Variants in FOCAD observed in about 807,000 individuals in gnomAD.
FOCAD encodes KIAA1797.
Under a neutral mutation model 225.6 loss-of-function variants are expected in FOCAD, and 198 were observed. That is an observed-to-expected ratio of 0.88 (90% CI 0.78 to 0.99). FOCAD has a LOEUF of 0.99. Ranked by LOEUF, FOCAD falls within the 50% of genes least tolerant of loss-of-function variation. The probability of loss-of-function intolerance (pLI) is 0.00; values close to 1 mark genes in which losing one functional copy is unlikely to be tolerated. For synonymous variants in FOCAD, 897 were observed against 755.0 expected (o/e 1.19, Z -3.08); for missense variants, 2,713 against 2,123.6 (o/e 1.28, Z -5.46).
At chr9:20,715,934 A>G (rs999567080) in intron 2 of FOCAD, among the ~76,000 whole-genome samples, 1 of 152,250 alleles carries the variant, frequency 6.6e-6, no homozygotes, top group African/African-American at 2.4e-5. Flanking sequence ...CTTTCTGGGT[A>G]GCCTTTAGCT....
chr9:20,791,237 T>TCA (rs10652100), intron 11 of FOCAD, among the ~76,000 whole-genome samples: 51,188 of 148,210 alleles, frequency 0.35, 8,587 homozygotes, highest in East Asian at 0.45. Context: ...ACACACACAC[T>TCA]CACACACACA....
intron 21 of FOCAD, among the ~76,000 whole-genome samples, chr9:20,890,635 T>C (rs1831532995): frequency 6.6e-6 from 1 of 152,134 alleles, no homozygotes; most frequent in South Asian, 2.1e-4. Context: ...TGTAGTTTTC[T>C]TGTAGTAATT....
intron 5 of FOCAD, among the ~76,000 whole-genome samples, chr9:20,745,038 T>C (rs1293044585): frequency 6.6e-6 from 1 of 152,190 alleles, no homozygotes; most frequent in East Asian, 1.9e-4. Flanking sequence ...CTCCCTTTTT[T>C]ATTTGGTCTG....
At chr9:20,745,545 C>A (rs1827976889) in intron 5 of FOCAD, among the ~76,000 whole-genome samples, 1 of 151,914 alleles carries the variant, frequency 6.6e-6, no homozygotes, top group Admixed American at 6.6e-5. Context: ...GCCATTTTTC[C>A]CCTAAATTTT....
chr9:20,811,616 G>A (rs1190540646), intron 11 of FOCAD, among the ~76,000 whole-genome samples: 1 of 152,050 alleles, frequency 6.6e-6, no homozygotes, highest in Non-Finnish European at 1.5e-5. Context: ...TCTTAGAAGA[G>A]TAAGATTATA....
intron 21 of FOCAD, 21 bp from the exon 22 acceptor site, chr9:20,907,129 T>G: frequency 6.4e-7 from 1 of 1,571,282 alleles, no homozygotes; most frequent in Non-Finnish European, 8.8e-7. Flanking sequence ...CCTAATATGT[T>G]GTGGTACATT....
intron 35 of FOCAD, among the ~76,000 whole-genome samples, chr9:20,960,739 C>T (rs1208660046): frequency 2.0e-5 from 3 of 149,470 alleles, no homozygotes; most frequent in African/African-American, 5.0e-5. Context: ...CCCCCCTCCC[C>T]CAACCCCACA....
chr9:20,953,946 T>C (rs778695068), intron 35 of FOCAD, among the ~76,000 whole-genome samples: 6 of 152,182 alleles, frequency 3.9e-5, no homozygotes, highest in Non-Finnish European at 7.3e-5. Flanking sequence ...GTGAGGGTCA[T>C]GGAAGTAAAA....
intron 1 of FOCAD, among the ~76,000 whole-genome samples, chr9:20,692,316 C>CTA (rs769661498): frequency 4.6e-5 from 7 of 151,902 alleles, no homozygotes; most frequent in African/African-American, 7.3e-5. Flanking sequence ...ATCTCACAAT[C>CTA]TATATATATA....
chr9:20,936,281 C>T (rs918070317), intron 28 of FOCAD, among the ~76,000 whole-genome samples: 1 of 152,152 alleles, frequency 6.6e-6, no homozygotes, highest in Non-Finnish European at 1.5e-5. Flanking sequence ...CATTTCTGGC[C>T]TTTAGGAACT....
At chr9:20,783,391 T>C (rs989886508) in intron 10 of FOCAD, among the ~76,000 whole-genome samples, 1 of 152,150 alleles carries the variant, frequency 6.6e-6, no homozygotes, top group African/African-American at 2.4e-5. Flanking sequence ...CTTTTTTTTT[T>C]CCTGCACCTA....
intron 23 of FOCAD, 95 bp from the exon 24 acceptor site, chr9:20,916,798 C>G (rs535390447): frequency 2.8e-6 from 3 of 1,072,984 alleles, no homozygotes; most frequent in African/African-American, 3.3e-5. Context: ...AGATCTGGAG[C>G]CATTGCTGGA....
chr9:20,661,300 T>C (rs1821713274), intron 2 of FOCAD, among the ~76,000 whole-genome samples: 1 of 152,172 alleles, frequency 6.6e-6, no homozygotes, highest in Non-Finnish European at 1.5e-5. Context: ...GAAATTGTAG[T>C]GTCAGCACCA....
At chr9:20,710,691 T>G (rs559682607) in intron 1 of FOCAD, among the ~76,000 whole-genome samples, 2 of 152,188 alleles carry the variant, frequency 1.3e-5, no homozygotes, top group African/African-American at 4.8e-5. Flanking sequence ...TAAAGCCCAA[T>G]GTAAGAAATT....
At chr9:20,670,204 A>C (rs931680655) in intron 2 of FOCAD, among the ~76,000 whole-genome samples, 3 of 152,200 alleles carry the variant, frequency 2.0e-5, no homozygotes, top group Non-Finnish European at 4.4e-5. Flanking sequence ...TGAAGTAATG[A>C]ATGGGTAGAT....
chr9:20,929,658 C>A, intron 27 of FOCAD, 62 bp downstream of exon 27: 2 of 1,311,066 alleles, frequency 1.5e-6, no homozygotes, highest in Non-Finnish European at 2.2e-6. Flanking sequence ...GGATTTTGCA[C>A]CCATATGCAC....
intron 19 of FOCAD, among the ~76,000 whole-genome samples, chr9:20,877,597 T>G (rs1830332775): frequency 6.6e-6 from 1 of 152,160 alleles, no homozygotes; most frequent in Non-Finnish European, 1.5e-5. Context: ...TATAAATGCT[T>G]ATCACTATGA....
rs752355389 is a variant in FOCAD at position 20,720,509 on chromosome 9, A to C, written c.262A>C (p.Ile88Leu). The change falls in exon 4 of 44, where the codon ATA becomes CTA. Residue 88 changes from isoleucine to leucine, a missense_variant. Transcript: ENST00000338382. ...AGAGTTCAGCTATGTTCTCAATGGG[A>C]TACTCAACTTGATTCCATCAACCAG... ...HAEFSYVLNG[I>L]LNLIPSTRNT... The C allele has an allele frequency of 2.5e-6, 4 of 1,613,976 alleles. No homozygotes were observed. Among genetic ancestry groups the C allele is most frequent in the Non-Finnish European group, 3.4e-6 (4 of 1,179,946 alleles).
chr9:20,853,652 C>G (rs555866409), intron 15 of FOCAD, among the ~76,000 whole-genome samples: 2 of 151,642 alleles, frequency 1.3e-5, no homozygotes, highest in African/African-American at 4.8e-5. Flanking sequence ...AGTTGTTCAA[C>G]TATGTTAGAA....
Sources: allele counts gnomAD v4.1 joint callset (sites outside exome capture counted in the v4.1 genomes callset), GRCh38; gene constraint gnomAD v4.1.1; transcripts MANE v1.5; gene names NCBI Gene and HGNC (gene_info 2026-07-23, HGNC 2026-07-21).